Variants in PREX2 observed in about 807,000 individuals in gnomAD.
The protein encoded by PREX2 is phosphatidylinositol 3,4,5-trisphosphate-dependent Rac exchanger 2 protein.
In PREX2, 107 loss-of-function variants were observed where a neutral mutation model predicts 203.2. That is an observed-to-expected ratio of 0.53 (90% CI 0.45 to 0.62). PREX2 has a LOEUF of 0.62. PREX2 is among the 20% of genes least tolerant of loss of function. The pLI is 0.00. For missense variants in PREX2, 1,777 were observed against 1,955.9 expected (o/e 0.91, Z 1.72); for synonymous variants, 672 against 663.6 (o/e 1.01, Z -0.19).
chr8:68,047,514 CAT>C (rs1182364304), intron 8 of PREX2, among the ~76,000 whole-genome samples: 5 of 94,232 alleles, frequency 5.3e-5, no homozygotes, highest in Admixed American at 1.1e-4. Flanking sequence ...TATACACATA[CAT>C]ATATATATAT....
At position 67,952,752 on chromosome 8, in the gene PREX2, C is replaced by T. The variant is rs1038085777; in HGVS notation, c.141+217C>T. Reference sequence around the variant, plus strand: ...CCCGAGACTCACTGAGTTGCGGGGGCCTTGGAGACCTCCAGGTCTGAAAAG... The same window carrying T: ...CCCGAGACTCACTGAGTTGCGGGGGTCTTGGAGACCTCCAGGTCTGAAAAG... On this transcript the variant is annotated intron_variant, in intron 1 of 39. Coordinates refer to ENST00000288368, the MANE Select transcript of PREX2 (RefSeq NM_024870.4). The T allele has an allele frequency of 9.1e-6, 6 of 661,842 alleles. No individual in the cohort carries two copies. The African/African-American group carries it at 9.2e-5, about 10-fold the overall frequency. The allele number at this position is 661,842 out of a possible 1,614,324, so 41.0% of individuals were successfully genotyped here.
chr8:68,047,647 C>G (rs1239651040), intron 8 of PREX2, among the ~76,000 whole-genome samples: 1 of 151,146 alleles, frequency 6.6e-6, no homozygotes, highest in Non-Finnish European at 1.5e-5. Context: ...AACTCAGCCT[C>G]AGTAGGTGGG....
chr8:68,003,017 T>G (rs535554468), intron 1 of PREX2, among the ~76,000 whole-genome samples: 3 of 152,338 alleles, frequency 2.0e-5, no homozygotes, highest in African/African-American at 7.2e-5. Flanking sequence ...ACAGTTAATT[T>G]TTATCATTAA....
intron 35 of PREX2, 40 bp from the exon 36 acceptor site, chr8:68,191,682 C>T: frequency 1.4e-6 from 2 of 1,435,076 alleles, no homozygotes; most frequent in Non-Finnish European, 2.0e-6. Flanking sequence ...TATGTCTTTT[C>T]CTAACAACAA....
intron 1 of PREX2, among the ~76,000 whole-genome samples, chr8:67,986,968 A>C (rs1333884464): frequency 6.6e-6 from 1 of 151,950 alleles, no homozygotes; most frequent in African/African-American, 2.4e-5. Context: ...GATGGAGACC[A>C]TGGTGAAACC....
At chr8:68,000,918 T>A (rs13273926) in intron 1 of PREX2, among the ~76,000 whole-genome samples, 1 of 152,082 alleles carries the variant, frequency 6.6e-6, no homozygotes, top group East Asian at 1.9e-4. Flanking sequence ...TGAAACTAGA[T>A]CCCTTCCTTA....
chr8:68,105,467 T>G, intron 23 of PREX2: 1 of 1,153,710 alleles, frequency 8.7e-7, no homozygotes. Context: ...TGTATTGAGC[T>G]ACAAGTTGGA....
chr8:67,959,385 G>A (rs886748486), intron 1 of PREX2, among the ~76,000 whole-genome samples: 2 of 152,160 alleles, frequency 1.3e-5, no homozygotes, highest in African/African-American at 4.8e-5. Flanking sequence ...AGCTGAGGAT[G>A]TGAAGGATGA....
intron 1 of PREX2, among the ~76,000 whole-genome samples, chr8:67,971,061 A>G (rs903944982): frequency 6.6e-6 from 1 of 152,118 alleles, no homozygotes; most frequent in South Asian, 2.1e-4. Flanking sequence ...GAGTAGGTGC[A>G]GGGGTGTAGA....
At chr8:68,102,118 C>A (rs1159656) in intron 23 of PREX2, among the ~76,000 whole-genome samples, 69,359 of 151,848 alleles carry the variant, frequency 0.46, 16,309 homozygotes, top group African/African-American at 0.57. Flanking sequence ...TAATGTCACC[C>A]AATTATGGAA....
intron 23 of PREX2, chr8:68,105,350 G>T (rs528816512): frequency 7.3e-7 from 1 of 1,366,730 alleles, no homozygotes; most frequent in East Asian, 4.6e-5. Flanking sequence ...TAGCAGAGAG[G>T]GCCCCTGTCT....
chr8:68,077,573 A>G (rs1221578741), intron 15 of PREX2, 104 bp downstream of exon 15: 6 of 856,306 alleles, frequency 7.0e-6, no homozygotes, highest in Non-Finnish European at 1.2e-5. Flanking sequence ...GGGATGAGCC[A>G]GCAAGACTGT....
At chr8:68,119,074 T>TTATCTTATAAATATCTTATAATA (rs997841198) in intron 27 of PREX2, among the ~76,000 whole-genome samples, 1 of 152,208 alleles carries the variant, frequency 6.6e-6, no homozygotes, top group Non-Finnish European at 1.5e-5. Context: ...ATTGATATAA[T>TTATCTTATAAATATCTTATAATA]TATCTTATAA....
intron 23 of PREX2, chr8:68,102,707 A>G (rs1810297735): frequency 2.6e-6 from 1 of 383,838 alleles, no homozygotes; most frequent in Non-Finnish European, 5.1e-6. Flanking sequence ...TGCTGGCTTT[A>G]CCTTATTTTG....
At chr8:68,137,691 T>C (rs1017884492) in intron 32 of PREX2, among the ~76,000 whole-genome samples, 1 of 152,194 alleles carries the variant, frequency 6.6e-6, no homozygotes, top group Non-Finnish European at 1.5e-5. Flanking sequence ...AAACTCCTAA[T>C]AGGAAGGCCA....
At chr8:68,061,993 T>C (rs1049146699) in intron 11 of PREX2, among the ~76,000 whole-genome samples, 1 of 152,176 alleles carries the variant, frequency 6.6e-6, no homozygotes, top group Non-Finnish European at 1.5e-5. Flanking sequence ...TGTTTGGCTA[T>C]GGTATTTTGA....
chr8:68,012,850 A>T (rs1351173799), intron 1 of PREX2, among the ~76,000 whole-genome samples: 2 of 152,230 alleles, frequency 1.3e-5, no homozygotes, highest in African/African-American at 2.4e-5. Context: ...ACAGTCCTTC[A>T]CTACAAAGGT....
intron 1 of PREX2, among the ~76,000 whole-genome samples, chr8:68,001,505 A>G (rs1277208179): frequency 6.6e-6 from 1 of 152,206 alleles, no homozygotes; most frequent in Non-Finnish European, 1.5e-5. Flanking sequence ...GGGAGTGTGA[A>G]TTAGTTCAAC....
chr8:67,991,140 T>G (rs990918964), intron 1 of PREX2, among the ~76,000 whole-genome samples: 2 of 152,152 alleles, frequency 1.3e-5, no homozygotes, highest in Non-Finnish European at 2.9e-5. Flanking sequence ...TAATTCTCCC[T>G]GAAACCCCAT....
Sources: allele counts gnomAD v4.1 joint callset (sites outside exome capture counted in the v4.1 genomes callset), GRCh38; gene constraint gnomAD v4.1.1; transcripts MANE v1.5; gene names NCBI Gene and HGNC (gene_info 2026-07-23, HGNC 2026-07-21).